Variants in KRABD2 observed in about 807,000 individuals in gnomAD.
KRABD2 encodes KRAB domain-containing protein 2.
At chr17:8,374,098 GC>G in the KRABD2 span, among the ~76,000 whole-genome samples, 2 of 152,034 alleles carry the variant, frequency 1.3e-5, no homozygotes, top group Non-Finnish European at 2.9e-5. Flanking sequence ...GGGCCCCTCT[GC>G]CGGGCCGCCA....
chr17:8,359,236 TTGTACA>T, the KRABD2 span, among the ~76,000 whole-genome samples: 1 of 152,228 alleles, frequency 6.6e-6, no homozygotes, highest in Non-Finnish European at 1.5e-5. Flanking sequence ...GCAGCAGTAG[TTGTACA>T]TGTACTGGGG....
At chr17:8,358,862 G>A in the KRABD2 span, among the ~76,000 whole-genome samples, 1 of 151,698 alleles carries the variant, frequency 6.6e-6, no homozygotes, top group Non-Finnish European at 1.5e-5. Flanking sequence ...CTAAAAACAA[G>A]GACATTCTCT....
chr17:8,369,946 C>T, the KRABD2 span: 1 of 1,614,216 alleles, frequency 6.2e-7, no homozygotes, highest in South Asian at 1.1e-5. Context: ...TCTTTGGTGA[C>T]ATTCCCATAT....
At chr17:8,370,065 C>T in the KRABD2 span, 56 of 1,613,918 alleles carry the variant, frequency 3.5e-5, no homozygotes, top group South Asian at 4.0e-4. Flanking sequence ...ATACCGTATT[C>T]GATCACGTTC....
At chr17:8,374,460 C>G in the KRABD2 span, among the ~76,000 whole-genome samples, 419 of 152,040 alleles carry the variant, frequency 2.8e-3, 1 homozygote, top group African/African-American at 9.6e-3. Context: ...ACTCCCTAAT[C>G]TCAAGTACCC....
chr17:8,367,931 TA>T, the KRABD2 span, among the ~76,000 whole-genome samples: 717 of 43,952 alleles, frequency 0.016, 1 homozygote, highest in African/African-American at 0.047. Context: ...AATGATCAAT[TA>T]AAAAAAAAAA....
the KRABD2 span, chr17:8,376,458 C>A: frequency 1.6e-5 from 16 of 1,026,000 alleles, no homozygotes; most frequent in Non-Finnish European, 1.9e-5. Context: ...ACGGGCACGC[C>A]CGCTTATTCC....
the KRABD2 span, among the ~76,000 whole-genome samples, chr17:8,367,854 C>T: frequency 1.3e-5 from 2 of 150,060 alleles, no homozygotes; most frequent in South Asian, 4.2e-4. Flanking sequence ...CATTGTTTAT[C>T]TGCTGACCTT....
the KRABD2 span, among the ~76,000 whole-genome samples, chr17:8,366,628 T>C: frequency 6.6e-6 from 1 of 152,190 alleles, no homozygotes; most frequent in Non-Finnish European, 1.5e-5. Flanking sequence ...ACATACAGTT[T>C]CTCCTGAAGC....
chr17:8,367,680 A>AG, the KRABD2 span, among the ~76,000 whole-genome samples: 1 of 148,124 alleles, frequency 6.8e-6, no homozygotes, highest in African/African-American at 2.5e-5. Context: ...AAAAAAAAAA[A>AG]CAAGTGAACA....
the KRABD2 span, among the ~76,000 whole-genome samples, chr17:8,363,830 C>CATACATATATATATATATATATAT: frequency 5.7e-5 from 5 of 87,012 alleles, no homozygotes; most frequent in African/African-American, 1.6e-4. Context: ...ATATATCATA[C>CATACATATATATATATATATATAT]ATATATATAT....
the KRABD2 span, among the ~76,000 whole-genome samples, chr17:8,364,773 T>A: frequency 4.6e-5 from 7 of 151,874 alleles, no homozygotes; most frequent in African/African-American, 1.7e-4. This position sits in a 1 kb window ranked among gnomAD's most constrained non-coding sequence, Gnocchi z 4.4. Context: ...ATGGCTCACG[T>A]CTGTAATCTC....
chr17:8,365,475 A>G, the KRABD2 span: 1 of 152,244 alleles, frequency 6.6e-6, no homozygotes, highest in Non-Finnish European at 1.5e-5. Flanking sequence ...AGAACATAGC[A>G]AGATTTTGGC....
the KRABD2 span, among the ~76,000 whole-genome samples, chr17:8,364,862 C>T: frequency 2.0e-5 from 3 of 152,018 alleles, no homozygotes; most frequent in Non-Finnish European, 4.4e-5. This position sits in a 1 kb window ranked among gnomAD's most constrained non-coding sequence, Gnocchi z 4.4. Flanking sequence ...GACAAAACCC[C>T]GTCTCTACTA....
At chr17:8,376,281 T>A in the KRABD2 span, 1 of 1,228,402 alleles carries the variant, frequency 8.1e-7, no homozygotes, top group Non-Finnish European at 1.0e-6. Flanking sequence ...GGGAATTCAT[T>A]TGCTGACTCT....
chr17:8,367,305 TGGCTAACATAGTGAAACCCC>T, the KRABD2 span: 1 of 151,820 alleles, frequency 6.6e-6, no homozygotes, highest in African/African-American at 2.4e-5. Context: ...GAGACCATCC[TGGCTAACATAGTGAAACCCC>T]GTCTCTACTA....
the KRABD2 span, among the ~76,000 whole-genome samples, chr17:8,374,310 A>G: frequency 1.4e-4 from 21 of 152,272 alleles, no homozygotes; most frequent in South Asian, 4.3e-3. Flanking sequence ...GGATGCTATT[A>G]ATCTATAACC....
chr17:8,373,108 C>T, the KRABD2 span, among the ~76,000 whole-genome samples: 2 of 151,768 alleles, frequency 1.3e-5, no homozygotes, highest in African/African-American at 4.8e-5. Flanking sequence ...CTCTTCCTCT[C>T]TCCATCTCCG....
the KRABD2 span, among the ~76,000 whole-genome samples, chr17:8,371,148 C>T: frequency 1.6e-4 from 24 of 151,720 alleles, no homozygotes; most frequent in Non-Finnish European, 2.4e-4. Flanking sequence ...CCAGCCTGGG[C>T]GACAAAGCGA....
Sources: allele counts gnomAD v4.1 joint callset (sites outside exome capture counted in the v4.1 genomes callset), GRCh38; gene constraint gnomAD v4.1.1; non-coding constraint Gnocchi (gnomAD v3.1); transcripts MANE v1.5; gene names NCBI Gene and HGNC (gene_info 2026-07-23, HGNC 2026-07-21).